The following TFAP2D variants were observed in gnomAD, a reference collection of about 807,000 sequenced individuals.
TFAP2D encodes transcription factor AP-2-delta.
In TFAP2D, 9 loss-of-function variants were observed where a neutral mutation model predicts 43.6. That is an observed-to-expected ratio of 0.21 (90% CI 0.12 to 0.36). The LOEUF is 0.36. Ranked by LOEUF, TFAP2D falls within the 10% of genes least tolerant of loss-of-function variation. TFAP2D has a pLI of 1.00. For missense variants in TFAP2D, 513 were observed against 561.4 expected (o/e 0.91, Z 0.87); for synonymous variants, 256 against 224.9 (o/e 1.14, Z -1.24).
intron 7 of TFAP2D, among the ~76,000 whole-genome samples, chr6:50,758,803 T>C (rs1280386217): frequency 6.6e-6 from 1 of 151,970 alleles, no homozygotes; most frequent in Non-Finnish European, 1.5e-5. Flanking sequence ...AAAGAAACAA[T>C]GAAATTTCAA....
In TFAP2D at chr6:50,770,599, G is replaced by A. The variant is rs573828066; in HGVS notation, c.1140-2046G>A. Among the ~76,000 whole-genome samples, 42 of 152,058 alleles carry A rather than the reference G, an allele frequency of 2.8e-4. 1 individual carries two copies. Among genetic ancestry groups the A allele is most frequent in the South Asian group, 8.3e-4 (4 of 4,812 alleles). On this transcript the variant is annotated intron_variant, in intron 7 of 7. Coordinates refer to ENST00000008391, the MANE Select transcript of TFAP2D (RefSeq NM_172238.4). ...ATCTGCATCCTTCTGAGCCCTTTGC[G>A]TAGACTAATAAAAACAACAACCCCA...
chr6:50,769,898 C>T (rs1266877954), intron 7 of TFAP2D, among the ~76,000 whole-genome samples: 68 of 152,264 alleles, frequency 4.5e-4, no homozygotes, highest in Non-Finnish European at 1.0e-4. Flanking sequence ...AAACTTAGAA[C>T]AGGACTTGAC....
chr6:50,730,228 G>A (rs992171409), intron 5 of TFAP2D, among the ~76,000 whole-genome samples: 4 of 152,148 alleles, frequency 2.6e-5, no homozygotes, highest in South Asian at 2.1e-4. Flanking sequence ...TTTTCAATAC[G>A]TAGCATTTAT....
At chr6:50,766,817 C>T (rs1330489267) in intron 7 of TFAP2D, among the ~76,000 whole-genome samples, 6 of 151,196 alleles carry the variant, frequency 4.0e-5, no homozygotes, top group East Asian at 2.0e-4. Context: ...TACAGGTGCC[C>T]GCCACCGCGC....
In TFAP2D at chr6:50,715,439, G is replaced by T. The variant is rs1359834659; in HGVS notation, c.363G>T (p.Ala121=). 3.1e-6 allele frequency: 5 copies of T among 1,614,026 alleles called. No individual in the cohort carries two copies. The highest frequency in any genetic ancestry group is 1.1e-5 in the South Asian group (1 of 91,082). The change falls in exon 2 of 8, where the codon GCG becomes GCT. Residue 121 remains alanine (A), a synonymous_variant. Transcript: ENST00000008391. ...TTATTAACCTGCACAATGCGCGGGCGCTCAAGTCGTCCTGCCTGGACGAGC... is the reference window on the plus strand; with the variant it reads ...TTATTAACCTGCACAATGCGCGGGCTCTCAAGTCGTCCTGCCTGGACGAGC... ...TDFINLHNAR[A]LKSSCLDEQR... is the part of the protein sequence containing the mutation.
intron 6 of TFAP2D, among the ~76,000 whole-genome samples, chr6:50,746,060 G>T (rs942776531): frequency 6.6e-6 from 1 of 152,044 alleles, no homozygotes; most frequent in African/African-American, 2.4e-5. Flanking sequence ...AATCCTTCTG[G>T]TAGTAACCAA....
intron 5 of TFAP2D, among the ~76,000 whole-genome samples, 177 bp from the exon 6 acceptor site, chr6:50,744,930 A>C (rs1018448920): frequency 6.6e-6 from 1 of 151,860 alleles, no homozygotes; most frequent in African/African-American, 2.4e-5. Flanking sequence ...ATTTCCCCTC[A>C]TTCTTCCTCA....
intron 7 of TFAP2D, 24 bp from the exon 8 acceptor site, chr6:50,772,621 T>C: frequency 1.9e-6 from 3 of 1,606,702 alleles, no homozygotes; most frequent in Non-Finnish European, 2.6e-6. Flanking sequence ...TCACCTCTTT[T>C]TTCCTATCAC....
intron 3 of TFAP2D, among the ~76,000 whole-genome samples, chr6:50,721,737 T>C (rs1323842919): frequency 6.6e-6 from 1 of 152,252 alleles, no homozygotes; most frequent in African/African-American, 2.4e-5. Flanking sequence ...CAGCTCATGC[T>C]TGACCCACCA....
rs529186791 is a variant in TFAP2D, at chr6:50,733,787, C to A, written c.883+4475C>A. ...GATGAATGACATCGCAGAGTATTAC[C>A]AGAAGGGAATTCTGTCTGCCTGAGT... On this transcript the variant is annotated intron_variant, in intron 5 of 7. Transcript: ENST00000008391. Among the ~76,000 whole-genome samples, 26 of 152,128 alleles carry A rather than the reference C, an allele frequency of 1.7e-4. No individual in the cohort carries two copies. In the South Asian group the frequency reaches 2.1e-3, roughly 12 times the overall value.
chr6:50,747,445 T>G (rs1769140049), intron 6 of TFAP2D, among the ~76,000 whole-genome samples: 1 of 152,062 alleles, frequency 6.6e-6, no homozygotes, highest in South Asian at 2.1e-4. Context: ...AAATACAAAT[T>G]TCCAAGAGAA....
At chr6:50,771,560 G>T (rs987918228) in intron 7 of TFAP2D, among the ~76,000 whole-genome samples, 4 of 152,184 alleles carry the variant, frequency 2.6e-5, no homozygotes, top group African/African-American at 9.7e-5. Context: ...TGCCATTCTT[G>T]AAAGCAAGAT....
chr6:50,751,126 GAAC>G, intron 6 of TFAP2D, 82 bp from the exon 7 acceptor site: 1 of 925,688 alleles, frequency 1.1e-6, no homozygotes, highest in African/African-American at 1.7e-5. Flanking sequence ...TTAAAAGAGA[GAAC>G]AAGCCTTTGG....
intron 3 of TFAP2D, among the ~76,000 whole-genome samples, chr6:50,724,381 T>TA (rs1424862651): frequency 1.3e-5 from 2 of 152,202 alleles, no homozygotes; most frequent in African/African-American, 4.8e-5. Flanking sequence ...TGTTTGGCTG[T>TA]AAGGCGAACA....
Position 50,747,143 on chromosome 6 carries a change from C to A in TFAP2D, c.1025+1895C>A, listed in dbSNP as rs143894982. Among the ~76,000 whole-genome samples the A allele has an allele frequency of 2.9e-3, 440 of 152,238 alleles. 1 individual carries two copies. Among genetic ancestry groups the A allele is most frequent in the Non-Finnish European group, 4.1e-3 (279 of 68,000 alleles). On this transcript the variant is annotated intron_variant, in intron 6 of 7. Coordinates refer to ENST00000008391, the MANE Select transcript of TFAP2D (RefSeq NM_172238.4). ...TATTTTGTCTTCTGGGAGTCTTTAT[C>A]TTTACCATGTACTCATTTCCTTTTC...
intron 2 of TFAP2D, among the ~76,000 whole-genome samples, chr6:50,716,719 T>C (rs1362943642): frequency 6.6e-6 from 1 of 152,220 alleles, no homozygotes; most frequent in Non-Finnish European, 1.5e-5. Context: ...AAAGTGCAGT[T>C]CTACCTGTGA....
intron 3 of TFAP2D, among the ~76,000 whole-genome samples, chr6:50,724,589 C>T (rs1768778995): frequency 6.6e-6 from 1 of 152,048 alleles, no homozygotes; most frequent in African/African-American, 2.4e-5. Flanking sequence ...GGGGGAGGCG[C>T]GGAGGCCGTG....
intron 2 of TFAP2D, among the ~76,000 whole-genome samples, chr6:50,718,700 G>A (rs1768665851): frequency 6.6e-6 from 1 of 152,140 alleles, no homozygotes; most frequent in Non-Finnish European, 1.5e-5. Context: ...GAAACCCACA[G>A]TCCCAGACTT....
intron 5 of TFAP2D, among the ~76,000 whole-genome samples, chr6:50,734,516 C>T (rs1485327650): frequency 2.0e-5 from 3 of 151,988 alleles, no homozygotes; most frequent in Admixed American, 6.6e-5. Context: ...GTGTCTCATT[C>T]GCAGACCCAG....
Sources: allele counts gnomAD v4.1 joint callset (sites outside exome capture counted in the v4.1 genomes callset), GRCh38; gene constraint gnomAD v4.1.1; transcripts MANE v1.5; gene names NCBI Gene and HGNC (gene_info 2026-07-23, HGNC 2026-07-21).